TSBP1: variants seen among roughly 807,000 people sequenced by gnomAD.
TSBP1 encodes testis-expressed basic protein 1.
A neutral mutation model predicts 68.8 loss-of-function variants in TSBP1; 56 were observed. The ratio of observed to expected loss-of-function variants is 0.81; its 90% CI spans 0.66 to 1.02. TSBP1 has a LOEUF of 1.02. TSBP1 is among the 50% of genes least tolerant of loss of function. TSBP1 has a pLI of 0.00. For synonymous variants in TSBP1, 171 were observed against 208.7 expected, an observed-to-expected ratio of 0.82 and a Z score of 1.56; for missense variants, 502 against 641.2, an observed-to-expected ratio of 0.78 and a Z score of 2.34.
At chr6:32,368,495 A>G (rs1774015818) in intron 3 of TSBP1, among the ~76,000 whole-genome samples, 1 of 152,204 alleles carries the variant, frequency 6.6e-6, no homozygotes, top group Non-Finnish European at 1.5e-5. Flanking sequence ...GAACTGGAAC[A>G]GTTCTCTGTT....
intron 19 of TSBP1, among the ~76,000 whole-genome samples, chr6:32,311,845 G>T (rs6934429): frequency 0.21 from 31,988 of 152,072 alleles, 3,553 homozygotes; most frequent in East Asian, 0.22. Flanking sequence ...TTGTTGATTT[G>T]TTTTGTGCCT....
At chr6:32,311,050 T>C (rs1346981061) in intron 19 of TSBP1, among the ~76,000 whole-genome samples, 1 of 152,130 alleles carries the variant, frequency 6.6e-6, no homozygotes, top group African/African-American at 2.4e-5. Context: ...TTGTTTATTT[T>C]TTCCATATTG....
chr6:32,312,005 G>A (rs1291956381), intron 19 of TSBP1, among the ~76,000 whole-genome samples: 1 of 152,128 alleles, frequency 6.6e-6, no homozygotes, highest in African/African-American at 2.4e-5. Flanking sequence ...CACTCAAGTG[G>A]GTGGCCTACT....
Position 32,300,716 on chromosome 6 carries a change from G to T in TSBP1, c.602-16C>A. 1 of 1,611,078 alleles carries T rather than the reference G, an allele frequency of 6.2e-7. No homozygotes were observed. Among genetic ancestry groups the T allele is most frequent in the Non-Finnish European group, 8.5e-7 (1 of 1,178,280 alleles). On this transcript the variant is annotated splice_polypyrimidine_tract_variant and intron_variant, in intron 20 of 22. Coordinates refer to ENST00000612031, the Ensembl canonical transcript of TSBP1. ...GAACTGTCCACTGAAAGAGATAAAG[G>T]CAAACACATCAGTAGGTACTGGGCA...
rs369269735 is a variant in TSBP1 at position 32,321,008 on chromosome 6, A to G, written c.559+2109T>C. Among the ~76,000 whole-genome samples the G allele has an allele frequency of 6.6e-6, 1 of 152,136 alleles. No individual in the cohort carries two copies. The highest frequency in any genetic ancestry group is 1.9e-4 in the East Asian group (1 of 5,180). Reference sequence around the variant, plus strand: ...AGATCCATCCGTGTTCCAGCAAAGGACATGATCTCATTCTTTTTTTGGCTG... The same window carrying G: ...AGATCCATCCGTGTTCCAGCAAAGGGCATGATCTCATTCTTTTTTTGGCTG... On this transcript the variant is annotated intron_variant, in intron 18 of 22. Transcript: ENST00000612031. The surrounding 1 kb of genome is among the most constrained non-coding windows in gnomAD (Gnocchi z 4.3).
At chr6:32,324,911 C>T (rs1768048398) in intron 16 of TSBP1, among the ~76,000 whole-genome samples, 2 of 151,894 alleles carry the variant, frequency 1.3e-5, no homozygotes, top group Admixed American at 6.6e-5. Flanking sequence ...AACTCAAGTT[C>T]CAATAGACAT....
rs9268362 is a variant in TSBP1 at position 32,365,564 on chromosome 6, A to G, written c.217+603T>C. 0.16 allele frequency: 72,066 copies of G among 456,264 alleles called. 7,093 individuals are homozygous for G. The highest frequency in any genetic ancestry group is 0.23 in the Admixed American group (9,898 of 42,542). 28.3% of individuals were successfully genotyped at this position (456,264 alleles called of 1,614,324 possible). ...CCATTCAACTATGCTGATCATCTCA[A>G]TGTTCTGGGTGGAGTGAGAAATAAG... is the stretch of plus-strand genomic sequence containing the variant. On this transcript the variant is annotated intron_variant, in intron 6 of 22. Coordinates refer to ENST00000612031, the Ensembl canonical transcript of TSBP1. This position sits in a 1 kb window ranked among gnomAD's most constrained non-coding sequence, Gnocchi z 4.3.
intron 22 of TSBP1, among the ~76,000 whole-genome samples, chr6:32,296,965 C>A (rs1049313993): frequency 6.6e-6 from 1 of 152,078 alleles, no homozygotes; most frequent in African/African-American, 2.4e-5. Context: ...AATCTTCATA[C>A]CCTTATTTTA....
chr6:32,370,007 A>T (rs924445815), intron 1 of TSBP1, 24 bp from the exon 2 acceptor site: 32 of 1,471,384 alleles, frequency 2.2e-5, no homozygotes, highest in Non-Finnish European at 3.0e-5. Flanking sequence ...CTCACCTGTA[A>T]ACATGCTTAT....
intron 18 of TSBP1, among the ~76,000 whole-genome samples, chr6:32,318,207 C>G (rs188028765): frequency 1.3e-5 from 2 of 152,212 alleles, no homozygotes; most frequent in Non-Finnish European, 2.9e-5. Context: ...AAGAGAGAAC[C>G]AAATACCACA....
Position 32,310,761 on chromosome 6 carries a change from A to ATATATTTTTTTTTTT in TSBP1, c.580+5010_580+5011insAAAAAAAAAAATATA. 1.7e-4 allele frequency among the ~76,000 whole-genome samples: 24 copies of ATATATTTTTTTTTTT among 144,832 alleles called. No individual in the cohort carries two copies. In the East Asian group the frequency reaches 2.4e-3, roughly 14 times the overall value. On this transcript the variant is annotated intron_variant, in intron 19 of 22. Coordinates refer to ENST00000612031, the Ensembl canonical transcript of TSBP1. ...TATATATACATATATATATATATAT[A>ATATATTTTTTTTTTT]TTTTTAATCTTTTTAGAAAGGATAG...
At chr6:32,353,359 G>A (rs919858888) in intron 8 of TSBP1, among the ~76,000 whole-genome samples, 3 of 151,904 alleles carry the variant, frequency 2.0e-5, no homozygotes, top group Admixed American at 2.0e-4. Flanking sequence ...CAAAAAACAA[G>A]TATGTGTATA....
Position 32,333,993 on chromosome 6 carries a change from T to A in TSBP1, c.472+1444A>T. The A allele has an allele frequency of 3.5e-6, 1 of 285,184 alleles. No homozygotes were observed. Among genetic ancestry groups the A allele is most frequent in the Non-Finnish European group, 7.2e-6 (1 of 139,736 alleles). The allele number at this position is 285,184 out of a possible 1,614,324, so 17.7% of individuals were successfully genotyped here. A position where few individuals can be genotyped will look rare whatever the true frequency, so the allele number is the denominator to read the frequency against. The stretch of plus-strand genomic sequence containing the variant: ...TAACTTAATAGTTGCTTTGCCTGTA[T>A]CTACAAATATGTATCTTTGATTCTG... On this transcript the variant is annotated intron_variant, in intron 14 of 22. Transcript: ENST00000612031. This position sits in a 1 kb window ranked among gnomAD's most constrained non-coding sequence, Gnocchi z 4.2.
chr6:32,355,248 G>A (rs1443176653), intron 7 of TSBP1, 104 bp from the exon 8 acceptor site: 2 of 1,192,852 alleles, frequency 1.7e-6, no homozygotes, highest in African/African-American at 3.0e-5. Flanking sequence ...AGGAGTTAAA[G>A]TCTAGGCCCC....
At position 32,346,011 on chromosome 6, in the gene TSBP1, T is replaced by TCCTCATCTTAAGGATGC. The variant is rs1268210715; in HGVS notation, c.349+3728_349+3729insGCATCCTTAAGATGAGG. Among the ~76,000 whole-genome samples, 57 of 48,504 alleles carry TCCTCATCTTAAGGATGC rather than the reference T, an allele frequency of 1.2e-3. 3 individuals are homozygous for TCCTCATCTTAAGGATGC. The highest frequency in any genetic ancestry group is 4.0e-3 in the South Asian group (3 of 754). The allele number at this position is 48,504 out of a possible 152,430, so 31.8% of individuals were successfully genotyped here. ...AAATGTGTCATATCCTCATTTTTTT[T>TCCTCATCTTAAGGATGC]TTTTTTTTTTTTTTGAGACGGAGTC... On this transcript the variant is annotated intron_variant, in intron 9 of 22. Coordinates refer to ENST00000612031, the Ensembl canonical transcript of TSBP1.
Position 32,302,574 on chromosome 6 carries a change from GA to G in TSBP1, c.601+34del. The stretch of plus-strand genomic sequence containing the variant: ...AAATTTGCTCACCCCAGCCCTACAA[GA>G]AACTAATGTAATAAAAATATATTAG... On this transcript the variant is annotated intron_variant, in intron 20 of 22. Transcript: ENST00000612031. This position sits in a 1 kb window ranked among gnomAD's most constrained non-coding sequence, Gnocchi z 5.1. 7.1e-7 allele frequency: 1 copy of G among 1,414,838 alleles called. No homozygotes were observed. Among genetic ancestry groups the G allele is most frequent in the African/African-American group, 1.5e-5 (1 of 68,340 alleles). The allele number at this position is 1,414,838 out of a possible 1,614,324, so 87.6% of individuals were successfully genotyped here.
intron 19 of TSBP1, among the ~76,000 whole-genome samples, chr6:32,311,146 T>C (rs1193101375): frequency 6.6e-6 from 1 of 152,152 alleles, no homozygotes; most frequent in African/African-American, 2.4e-5. Context: ...TCTATATGCA[T>C]AGTTAGATTT....
chr6:32,335,902 G>A lies in TSBP1; in HGVS notation c.451+10C>T, dbSNP rs775938869. ...AATGCTCACTGTGGAGAATCAGAGA[G>A]CAAACTTACTGATAGGTCCTGTAGC... is the stretch of plus-strand genomic sequence containing the variant. On this transcript the variant is annotated intron_variant, in intron 13 of 22. Transcript: ENST00000612031. This position sits in a 1 kb window ranked among gnomAD's most constrained non-coding sequence, Gnocchi z 5.5. 6.2e-7 allele frequency: 1 copy of A among 1,605,464 alleles called. No homozygotes were observed. Among genetic ancestry groups the A allele is most frequent in the Non-Finnish European group, 8.5e-7 (1 of 1,173,816 alleles).
In TSBP1 at chr6:32,330,581, G is replaced by A; in HGVS notation, c.514+8C>T. 1 of 1,599,990 alleles carries A rather than the reference G, an allele frequency of 6.3e-7. No homozygotes were observed. Among genetic ancestry groups the A allele is most frequent in the Non-Finnish European group, 8.5e-7 (1 of 1,172,382 alleles). ...ACCTGGAGGGAGAAGGATAGATAAGGTACTTACCATTGGATCCAGGATATT... is the reference window on the plus strand; with the variant it reads ...ACCTGGAGGGAGAAGGATAGATAAGATACTTACCATTGGATCCAGGATATT... On this transcript the variant is annotated splice_region_variant and intron_variant, in intron 16 of 22. Transcript: ENST00000612031.
Sources: allele counts gnomAD v4.1 joint callset (sites outside exome capture counted in the v4.1 genomes callset), GRCh38; gene constraint gnomAD v4.1.1; non-coding constraint Gnocchi (gnomAD v3.1); transcripts MANE v1.5; gene names NCBI Gene and HGNC (gene_info 2026-07-23, HGNC 2026-07-21).